RHOT1: variants seen among roughly 807,000 people sequenced by gnomAD.
RHOT1 encodes ras homolog family member T1.
Under a neutral mutation model 95.3 loss-of-function variants are expected in RHOT1, and 27 were observed. The observed-to-expected ratio is 0.28, with a 90% confidence interval of 0.21 to 0.39. The LOEUF (loss-of-function observed/expected upper bound fraction) is 0.39. Ranked by LOEUF, RHOT1 falls within the 10% of genes least tolerant of loss-of-function variation. The probability of loss-of-function intolerance (pLI) is 1.00; values close to 1 mark genes in which losing one functional copy is unlikely to be tolerated. For synonymous variants in RHOT1, 227 were observed against 263.5 expected, an observed-to-expected ratio of 0.86 and a Z score of 1.34; for missense variants, 578 against 786.7, an observed-to-expected ratio of 0.73 and a Z score of 3.17.
chr17:32,153,110 A>G (rs1232724080), intron 1 of RHOT1, among the ~76,000 whole-genome samples: 3 of 152,032 alleles, frequency 2.0e-5, no homozygotes, highest in Admixed American at 1.3e-4. Context: ...CCTGTTTAAC[A>G]TTTTTTGAAT....
At chr17:32,212,689 A>G (rs1045838111) in intron 19 of RHOT1, among the ~76,000 whole-genome samples, 2 of 152,012 alleles carry the variant, frequency 1.3e-5, no homozygotes, top group Non-Finnish European at 2.9e-5. Context: ...TTTTAACTAA[A>G]TGTTTTCCCT....
chr17:32,202,084 G>A (rs2037364941), intron 14 of RHOT1, among the ~76,000 whole-genome samples: 2 of 152,054 alleles, frequency 1.3e-5, no homozygotes, highest in Admixed American at 1.3e-4. Context: ...GCTAATTTTT[G>A]TATTTTTAGT....
intron 6 of RHOT1, 90 bp from the exon 7 acceptor site, chr17:32,182,667 C>T (rs1367577421): frequency 6.3e-6 from 5 of 788,256 alleles, no homozygotes. Context: ...TAAATAAAAG[C>T]TTTTTAGTTA....
At position 32,192,245 on chromosome 17, in the gene RHOT1, A is replaced by T; in HGVS notation, c.585A>T (p.Ile195=). 2 of 1,582,716 alleles carry T rather than the reference A, an allele frequency of 1.3e-6. No individual in the cohort carries two copies. Among genetic ancestry groups the T allele is most frequent in the South Asian group, 2.3e-5 (2 of 86,222 alleles). ...CIKALTRIFK[I]SDQDNDGTLN... ...AAGCCCTTACTCGTATATTTAAAAT[A>T]TCTGATCAAGATAATGATGGTACTC... Residue 195 remains isoleucine (I), a synonymous_variant, in exon 9 of 20, where the codon ATA becomes ATT. Transcript: ENST00000545287.
chr17:32,149,757 A>G (rs2032050181), intron 1 of RHOT1, among the ~76,000 whole-genome samples: 1 of 150,954 alleles, frequency 6.6e-6, no homozygotes, highest in Admixed American at 6.6e-5. Flanking sequence ...ACACACATAT[A>G]TATATAGAGA....
intron 16 of RHOT1, among the ~76,000 whole-genome samples, chr17:32,205,014 C>T (rs1460794358): frequency 1.3e-5 from 2 of 150,678 alleles, no homozygotes; most frequent in African/African-American, 2.4e-5. Context: ...AAACTGAACT[C>T]CCCTTTTACT....
chr17:32,158,554 C>T (rs2033205829), intron 1 of RHOT1, among the ~76,000 whole-genome samples: 1 of 152,064 alleles, frequency 6.6e-6, no homozygotes, highest in South Asian at 2.1e-4. Flanking sequence ...CTGCCTCCCG[C>T]TTTCAAACGA....
intron 11 of RHOT1, among the ~76,000 whole-genome samples, chr17:32,195,297 A>G (rs978211380): frequency 6.6e-6 from 1 of 151,796 alleles, no homozygotes; most frequent in Non-Finnish European, 1.5e-5. Flanking sequence ...TTTTCTTTGT[A>G]GAAAAGCGGT....
intron 6 of RHOT1, among the ~76,000 whole-genome samples, chr17:32,178,609 C>T (rs2035238326): frequency 6.6e-6 from 1 of 152,334 alleles, no homozygotes; most frequent in African/African-American, 2.4e-5. Flanking sequence ...GCCCGCCCGC[C>T]ACCCCGTCTA....
At chr17:32,179,683 G>A (rs2035421469) in intron 6 of RHOT1, 1 of 145,672 alleles carries the variant, frequency 6.9e-6, no homozygotes, top group South Asian at 2.3e-4. Context: ...CCATCATCTG[G>A]GAAGTGGGGA....
chr17:32,154,599 A>AG (rs1271838806), intron 1 of RHOT1, among the ~76,000 whole-genome samples: 2 of 150,098 alleles, frequency 1.3e-5, no homozygotes, highest in Non-Finnish European at 3.0e-5. Context: ...AAAAAAAAAA[A>AG]AAAAAAAAAT....
intron 16 of RHOT1, among the ~76,000 whole-genome samples, chr17:32,206,190 A>ATTTT (rs2037710072): frequency 3.3e-5 from 4 of 122,504 alleles, no homozygotes; most frequent in African/African-American, 1.4e-4. Context: ...CTTCCATAGA[A>ATTTT]TCTTTTTTTT....
chr17:32,150,394 C>G (rs2032141915), intron 1 of RHOT1: 4 of 451,990 alleles, frequency 8.8e-6, no homozygotes, highest in Non-Finnish European at 7.7e-6. Flanking sequence ...AAGAAGACCT[C>G]TTTTCTAAAT....
chr17:32,144,850 A>G (rs1230607438), intron 1 of RHOT1, among the ~76,000 whole-genome samples: 1 of 151,168 alleles, frequency 6.6e-6, no homozygotes, highest in South Asian at 2.1e-4. Context: ...ACTATTAGCT[A>G]GGCATGGTGG....
At chr17:32,202,647 A>G in intron 14 of RHOT1, 123 bp from the exon 15 acceptor site, 2 of 667,502 alleles carry the variant, frequency 3.0e-6, no homozygotes, top group South Asian at 2.1e-5. Context: ...ATGTTTGTTT[A>G]TAGATCAGCT....
intron 13 of RHOT1, 66 bp from the exon 14 acceptor site, chr17:32,200,890 G>T (rs1032992606): frequency 1.3e-5 from 15 of 1,198,966 alleles, no homozygotes; most frequent in Admixed American, 1.8e-5. Context: ...TTTAGCTATT[G>T]GCTTTTTTTT....
chr17:32,184,894 A>G (rs919782367), intron 8 of RHOT1, among the ~76,000 whole-genome samples: 6 of 151,750 alleles, frequency 4.0e-5, no homozygotes, highest in African/African-American at 1.2e-4. Flanking sequence ...TGTTGTAAAC[A>G]TTCAATACAA....
At chr17:32,204,890 G>A (rs1476716771) in intron 16 of RHOT1, among the ~76,000 whole-genome samples, 1 of 151,624 alleles carries the variant, frequency 6.6e-6, no homozygotes, top group Non-Finnish European at 1.5e-5. Flanking sequence ...GGCTGAGGCA[G>A]GAGAATCACT....
intron 1 of RHOT1, among the ~76,000 whole-genome samples, chr17:32,162,675 A>G (rs1426432152): frequency 6.6e-6 from 1 of 152,174 alleles, no homozygotes; most frequent in Non-Finnish European, 1.5e-5. Flanking sequence ...CCCTTTTCCC[A>G]TTCATGTAAA....
Sources: allele counts gnomAD v4.1 joint callset (sites outside exome capture counted in the v4.1 genomes callset), GRCh38; gene constraint gnomAD v4.1.1; transcripts MANE v1.5; gene names NCBI Gene and HGNC (gene_info 2026-07-23, HGNC 2026-07-21).